FBXL2: variants seen among roughly 807,000 people sequenced by gnomAD.
The protein encoded by FBXL2 is F-box/LRR-repeat protein 2.
In FBXL2, 38 loss-of-function variants were observed where a neutral mutation model predicts 69.2. The ratio of observed to expected loss-of-function variants is 0.55; its 90% CI spans 0.42 to 0.72. The LOEUF (loss-of-function observed/expected upper bound fraction) is 0.72, where lower values mean the gene tolerates loss of function less well. Among genes scored for constraint, FBXL2 ranks in the 30% least tolerant of loss-of-function variants. The pLI, the probability that FBXL2 is intolerant of heterozygous loss-of-function variation, is 0.00. For missense variants in FBXL2, 354 were observed against 520.3 expected (o/e 0.68, Z 3.11); for synonymous variants, 192 against 201.3 (o/e 0.95, Z 0.39).
intron 2 of FBXL2, among the ~76,000 whole-genome samples, chr3:33,345,102 CA>C (rs2040337924): frequency 6.6e-6 from 1 of 152,184 alleles, no homozygotes; most frequent in Non-Finnish European, 1.5e-5. Flanking sequence ...TCTGCTTTAA[CA>C]AATTGCCACA....
At chr3:33,395,803 TTTG>T (rs970861761) in intron 12 of FBXL2, among the ~76,000 whole-genome samples, 11 of 151,270 alleles carry the variant, frequency 7.3e-5, no homozygotes, top group Admixed American at 5.3e-4. Flanking sequence ...CTCCTGCTTT[TTTG>T]TTAAGCTGCC....
intron 13 of FBXL2, 61 bp downstream of exon 13, chr3:33,378,802 A>C (rs1464116051): frequency 7.4e-6 from 12 of 1,613,250 alleles, no homozygotes; most frequent in East Asian, 2.2e-5. Context: ...CTCCCACCAC[A>C]ACAAGAAGCT....
chr3:33,409,570 C>T, the FBXL2 span: 2 of 1,614,184 alleles, frequency 1.2e-6, no homozygotes, highest in Non-Finnish European at 1.7e-6. Flanking sequence ...TCCGTGCTTC[C>T]GTGGAGTAAA....
chr3:33,367,516 C>A (rs1575361662), intron 5 of FBXL2, among the ~76,000 whole-genome samples: 1 of 152,134 alleles, frequency 6.6e-6, no homozygotes, highest in East Asian at 1.9e-4. Flanking sequence ...TTTATAATAT[C>A]CTCTTATTTT....
At chr3:33,318,221 G>C (rs2037880760) in intron 2 of FBXL2, among the ~76,000 whole-genome samples, 1 of 152,106 alleles carries the variant, frequency 6.6e-6, no homozygotes, top group Admixed American at 6.6e-5. Context: ...ACTTTAATCT[G>C]ATCTTTGCTA....
intron 9 of FBXL2, 91 bp from the exon 10 acceptor site, chr3:33,375,197 A>G: frequency 6.5e-7 from 1 of 1,531,308 alleles, no homozygotes; most frequent in Non-Finnish European, 8.9e-7. Context: ...ATCAGCAACC[A>G]AAACTGAACA....
intron 13 of FBXL2, among the ~76,000 whole-genome samples, chr3:33,379,799 T>A (rs1006411627): frequency 3.9e-5 from 6 of 152,010 alleles, no homozygotes; most frequent in Admixed American, 3.9e-4. Flanking sequence ...GAAATAATTA[T>A]AATACCATGG....
intron 9 of FBXL2, 93 bp downstream of exon 9, chr3:33,374,014 A>AG: frequency 8.5e-7 from 1 of 1,175,092 alleles, no homozygotes; most frequent in Non-Finnish European, 1.3e-6. Flanking sequence ...TAGGCACCTG[A>AG]GATGGGCTGT....
chr3:33,283,734 T>A (rs960272494), intron 1 of FBXL2, among the ~76,000 whole-genome samples: 3 of 152,204 alleles, frequency 2.0e-5, no homozygotes, highest in African/African-American at 7.2e-5. Flanking sequence ...GAGCCTGTTA[T>A]CAGTCTATTT....
At chr3:33,292,718 A>G (rs2035359758) in intron 1 of FBXL2, among the ~76,000 whole-genome samples, 1 of 152,104 alleles carries the variant, frequency 6.6e-6, no homozygotes, top group African/African-American at 2.4e-5. Context: ...AAATGTAGAC[A>G]CTGGCAGAAT....
At chr3:33,310,816 C>G (rs2037125499) in intron 2 of FBXL2, among the ~76,000 whole-genome samples, 1 of 151,800 alleles carries the variant, frequency 6.6e-6, no homozygotes, top group African/African-American at 2.4e-5. Context: ...GTTCTGTTGC[C>G]CAGGCTGGAG....
intron 1 of FBXL2, among the ~76,000 whole-genome samples, chr3:33,285,409 C>A (rs551759838): frequency 3.3e-5 from 5 of 152,158 alleles, no homozygotes; most frequent in South Asian, 4.1e-4. Flanking sequence ...CCAAGAGATC[C>A]GCTGTTAGTC....
Position 33,384,211 on chromosome 3 carries a change from G to C in FBXL2, c.1164+10G>C, listed in dbSNP as rs753019819. On this transcript the variant is annotated intron_variant, in intron 14 of 14. Coordinates refer to ENST00000484457, the MANE Select transcript of FBXL2 (RefSeq NM_012157.5). ...CATCAAGCGGATGCGGGTAGGTATG[G>C]GGCAGGGGAGTCAGTCACACCTGAC... 3.2e-5 allele frequency: 51 copies of C among 1,612,448 alleles called. No individual in the cohort carries two copies. The highest frequency in any genetic ancestry group is 2.5e-6 in the Non-Finnish European group (3 of 1,179,148).
intron 12 of FBXL2, chr3:33,396,112 C>G: frequency 6.8e-7 from 1 of 1,469,428 alleles, no homozygotes; most frequent in Non-Finnish European, 9.3e-7. Flanking sequence ...CTTTCCGTTT[C>G]TGTCTGACAG....
intron 3 of FBXL2, 91 bp downstream of exon 3, chr3:33,359,112 A>G (rs2041425466): frequency 1.0e-6 from 1 of 959,096 alleles, no homozygotes; most frequent in African/African-American, 1.7e-5. Flanking sequence ...AAATTTTATT[A>G]TCTTTTATAC....
chr3:33,356,218 A>G (rs577176233), intron 2 of FBXL2, among the ~76,000 whole-genome samples: 3 of 152,332 alleles, frequency 2.0e-5, no homozygotes, highest in Admixed American at 2.0e-4. Context: ...CAGTTAAGAA[A>G]TAGCACTGTC....
At chr3:33,358,243 C>T (rs2041353239) in intron 2 of FBXL2, among the ~76,000 whole-genome samples, 1 of 152,192 alleles carries the variant, frequency 6.6e-6, no homozygotes, top group African/African-American at 2.4e-5. Context: ...TTGTTTTTAG[C>T]TGTCACTCTG....
chr3:33,319,567 A>G (rs187232838), intron 2 of FBXL2, among the ~76,000 whole-genome samples: 102 of 152,324 alleles, frequency 6.7e-4, no homozygotes, highest in East Asian at 1.7e-3. Flanking sequence ...TGAAAACTGT[A>G]TCATTGCCTG....
intron 4 of FBXL2, among the ~76,000 whole-genome samples, chr3:33,363,179 T>C (rs995567306): frequency 1.3e-5 from 2 of 152,176 alleles, no homozygotes; most frequent in African/African-American, 4.8e-5. Context: ...TAGCTAGGAC[T>C]ACAGGCATGC....
Sources: allele counts gnomAD v4.1 joint callset (sites outside exome capture counted in the v4.1 genomes callset), GRCh38; gene constraint gnomAD v4.1.1; transcripts MANE v1.5; gene names NCBI Gene and HGNC (gene_info 2026-07-23, HGNC 2026-07-21).